Variants in IRAG1 observed in about 807,000 individuals in gnomAD.
The protein encoded by IRAG1 is IP3R-associated cGMP kinase substrate.
A neutral mutation model predicts 106.2 loss-of-function variants in IRAG1; 62 were observed. The observed-to-expected ratio is 0.58, with a 90% CI of 0.48 to 0.72. The LOEUF is 0.72. Ranked by LOEUF, IRAG1 falls within the 30% of genes least tolerant of loss-of-function variation. The pLI, the probability that IRAG1 is intolerant of heterozygous loss-of-function variation, is 0.00. For missense variants in IRAG1, 1,064 were observed against 1,140.7 expected (o/e 0.93, Z 0.97); for synonymous variants, 462 against 443.9 (o/e 1.04, Z -0.51).
At chr11:10,652,451 G>A (rs1176613689) in intron 1 of IRAG1, 20 of 808,312 alleles carry the variant, frequency 2.5e-5, no homozygotes, top group Admixed American at 2.0e-4. Flanking sequence ...AATGTGCTTC[G>A]AACTCCTCAA....
intron 2 of IRAG1, among the ~76,000 whole-genome samples, chr11:10,651,107 C>T (rs1254179465): frequency 6.6e-6 from 1 of 152,302 alleles, no homozygotes; most frequent in East Asian, 1.9e-4. Flanking sequence ...CATTTCAATG[C>T]AAATCAACTG....
chr11:10,633,517 C>T (rs992837254), intron 3 of IRAG1, among the ~76,000 whole-genome samples: 8 of 152,222 alleles, frequency 5.3e-5, no homozygotes, highest in East Asian at 3.8e-4. Flanking sequence ...ATATTTCACA[C>T]GTTTTGGCCA....
rs147169834 is a variant in IRAG1, at chr11:10,634,683, G to A, written c.226-612C>T. ...CCTGGCTTATTTCACTTAGCATAGTGTCCTGCAGGCTCACCCACATTGTTG... is the reference window on the plus strand; with the variant it reads ...CCTGGCTTATTTCACTTAGCATAGTATCCTGCAGGCTCACCCACATTGTTG... On this transcript the variant is annotated intron_variant, in intron 2 of 20. Coordinates refer to ENST00000423302, the MANE Select transcript of IRAG1 (RefSeq NM_130385.4). 7.2e-3 allele frequency among the ~76,000 whole-genome samples: 1,099 copies of A among 151,852 alleles called. 5 individuals carry two copies. Among genetic ancestry groups the A allele is most frequent in the African/African-American group, 0.025 (1,048 of 41,386 alleles).
At chr11:10,667,748 T>C (rs778987745) in intron 1 of IRAG1, among the ~76,000 whole-genome samples, 16 of 152,216 alleles carry the variant, frequency 1.1e-4, no homozygotes, top group Non-Finnish European at 2.1e-4. Flanking sequence ...CAAGTCTGGC[T>C]GCTTACTAAA....
intron 1 of IRAG1, among the ~76,000 whole-genome samples, chr11:10,666,145 A>G (rs1258791112): frequency 6.6e-6 from 1 of 152,192 alleles, no homozygotes; most frequent in East Asian, 1.9e-4. Context: ...TTTTTCCACC[A>G]TGGAGAGGTG....
intron 14 of IRAG1, 131 bp from the exon 15 acceptor site, chr11:10,601,190 A>T: frequency 7.7e-7 from 1 of 1,296,112 alleles, no homozygotes; most frequent in Non-Finnish European, 1.1e-6. Context: ...CCCTCTGAAG[A>T]GTTTGCTGTC....
intron 15 of IRAG1, 79 bp from the exon 16 acceptor site, chr11:10,594,274 C>G: frequency 1.4e-6 from 2 of 1,385,074 alleles, no homozygotes; most frequent in Non-Finnish European, 2.0e-6. Flanking sequence ...ACTAGGCTAT[C>G]GTATCCATGG....
At chr11:10,668,488 TA>T (rs1859962891) in intron 1 of IRAG1, among the ~76,000 whole-genome samples, 1 of 152,220 alleles carries the variant, frequency 6.6e-6, no homozygotes, top group African/African-American at 2.4e-5. Flanking sequence ...TTTTTGTAAA[TA>T]AATTTTTATC....
intron 2 of IRAG1, among the ~76,000 whole-genome samples, chr11:10,638,662 T>C (rs1040376607): frequency 1.3e-5 from 2 of 152,218 alleles, no homozygotes; most frequent in Non-Finnish European, 2.9e-5. Context: ...ATGCATTTTG[T>C]CTAAAATATC....
At chr11:10,677,524 C>T (rs903825) in intron 1 of IRAG1, among the ~76,000 whole-genome samples, 60,898 of 151,932 alleles carry the variant, frequency 0.4, 12,553 homozygotes, top group African/African-American at 0.47. Context: ...ACTACCCCGT[C>T]CCCTCCCCTC....
intron 1 of IRAG1, among the ~76,000 whole-genome samples, chr11:10,680,414 G>GAAAGAAAGAAAGA (rs1443133429): frequency 1.9e-5 from 1 of 51,760 alleles, no homozygotes; most frequent in African/African-American, 9.3e-5. Flanking sequence ...GGAAAGAAAG[G>GAAAGAAAGAAAGA]GAAAGAAAGA....
chr11:10,593,854 C>T (rs1294458049), intron 16 of IRAG1: 4 of 571,394 alleles, frequency 7.0e-6, no homozygotes, highest in Non-Finnish European at 9.4e-6. Flanking sequence ...ATGGAAATGA[C>T]CCCACAGTCT....
chr11:10,650,432 T>G (rs1034988364), intron 2 of IRAG1, among the ~76,000 whole-genome samples: 1 of 152,190 alleles, frequency 6.6e-6, no homozygotes, highest in Non-Finnish European at 1.5e-5. Context: ...GGCAGCTGTT[T>G]GGGGGAGTTG....
chr11:10,660,682 CA>C (rs1254748734), intron 1 of IRAG1, among the ~76,000 whole-genome samples: 4 of 152,164 alleles, frequency 2.6e-5, no homozygotes, highest in Non-Finnish European at 5.9e-5. Flanking sequence ...TGTCTTTGGA[CA>C]ACTTTTCCCA....
chr11:10,651,254 G>A (rs1432523504), intron 2 of IRAG1, among the ~76,000 whole-genome samples: 1 of 152,194 alleles, frequency 6.6e-6, no homozygotes, highest in Admixed American at 6.5e-5. Context: ...TCTTCAAAAG[G>A]GAATAATTTG....
intron 2 of IRAG1, among the ~76,000 whole-genome samples, chr11:10,643,169 T>C (rs183492420): frequency 3.0e-5 from 2 of 66,118 alleles, no homozygotes; most frequent in African/African-American, 1.4e-4. Flanking sequence ...AGAGTGAGAC[T>C]CCGTCTCAAA....
At chr11:10,629,777 A>C (rs944281318) in intron 4 of IRAG1, 66 bp from the exon 5 acceptor site, 1 of 1,502,612 alleles carries the variant, frequency 6.7e-7, no homozygotes, top group Non-Finnish European at 9.0e-7. Flanking sequence ...AGGTCATGCC[A>C]TACCATGCCT....
At chr11:10,582,064 G>T in intron 18 of IRAG1, 78 bp from the exon 19 acceptor site, 1 of 1,511,352 alleles carries the variant, frequency 6.6e-7, no homozygotes, top group South Asian at 1.3e-5. Context: ...TTTTTGGCCC[G>T]ATTCCTGATT....
Position 10,628,914 on chromosome 11 carries a change from C to T in IRAG1, c.575-86G>A. On this transcript the variant is annotated intron_variant, in intron 5 of 20. Transcript: ENST00000423302. The surrounding 1 kb of genome is among the most constrained non-coding windows in gnomAD (Gnocchi z 4.1). ...AGGCATCCTTTTAGGTATTCCCAGG[C>T]CCTGGGAACTGGGTCTGCCTTGCTG... is the stretch of plus-strand genomic sequence containing the variant. The T allele has an allele frequency of 7.8e-7, 1 of 1,288,798 alleles. No homozygotes were observed. The highest frequency in any genetic ancestry group is 1.1e-6 in the Non-Finnish European group (1 of 925,822). The allele number at this position is 1,288,798 out of a possible 1,614,324, so 79.8% of individuals were successfully genotyped here.
Sources: gnomAD v4.1 joint callset for allele counts (sites outside exome capture counted in the v4.1 genomes callset) on GRCh38, gnomAD v4.1.1 for gene constraint, Gnocchi (gnomAD v3.1) non-coding constraint, MANE v1.5 for transcripts, NCBI Gene and HGNC (gene_info 2026-07-23, HGNC 2026-07-21) for gene names.